Variants in ITGB8 observed in about 807,000 individuals in gnomAD.
ITGB8 encodes the protein integrin subunit beta 8, also known as integrin beta-8.
In ITGB8, 30 loss-of-function variants were observed where a neutral mutation model predicts 89.5. The ratio of observed to expected loss-of-function variants is 0.34; its 90% CI spans 0.25 to 0.45. The LOEUF is 0.45. Among genes scored for constraint, ITGB8 ranks in the 20% least tolerant of loss-of-function variants. The pLI, the probability that ITGB8 is intolerant of heterozygous loss-of-function variation, is 1.00. For synonymous variants in ITGB8, 335 were observed against 320.4 expected (o/e 1.05, Z -0.49); for missense variants, 836 against 933.3 (o/e 0.90, Z 1.36).
At chr7:20,341,200 G>A (rs926246220) in intron 1 of ITGB8, among the ~76,000 whole-genome samples, 2 of 152,244 alleles carry the variant, frequency 1.3e-5, no homozygotes, top group Non-Finnish European at 2.9e-5. Flanking sequence ...TGTGCATTTG[G>A]TTTGGATTTT....
intron 3 of ITGB8, among the ~76,000 whole-genome samples, chr7:20,372,690 T>C (rs1459581918): frequency 2.0e-5 from 3 of 152,162 alleles, no homozygotes; most frequent in African/African-American, 7.2e-5. Context: ...TAATTTTATG[T>C]CAGTCATTGT....
chr7:20,364,841 C>T (rs2127944915), intron 2 of ITGB8: 1 of 152,370 alleles, frequency 6.6e-6, no homozygotes, highest in African/African-American at 2.4e-5. Flanking sequence ...AGGTTTTTCT[C>T]TGTCAAGAAT....
At chr7:20,375,073 G>T (rs145745633) in intron 3 of ITGB8, among the ~76,000 whole-genome samples, 28 of 152,278 alleles carry the variant, frequency 1.8e-4, no homozygotes, top group Admixed American at 1.1e-3. Flanking sequence ...AATAGGTAAG[G>T]AAAGTGAGTG....
chr7:20,410,949 C>T lies in ITGB8; in HGVS notation c.*952C>T, dbSNP rs1453381553. 1 of 152,474 alleles carries T rather than the reference C, an allele frequency of 6.6e-6. No homozygotes were observed. The highest frequency in any genetic ancestry group is 1.5e-5 in the Non-Finnish European group (1 of 68,030). 9.4% of individuals were successfully genotyped at this position (152,474 alleles called of 1,614,324 possible). ...CACAAGATAGTTAGAAATTCTGCCT[C>T]AAGCAAAGTACCACATTTTGAATGT... On this transcript the variant is annotated 3_prime_UTR_variant, in exon 14 of 14. Coordinates refer to ENST00000222573, the MANE Select transcript of ITGB8 (RefSeq NM_002214.3).
chr7:20,357,159 G>A (rs1035692078), intron 1 of ITGB8, among the ~76,000 whole-genome samples: 4 of 152,112 alleles, frequency 2.6e-5, no homozygotes, highest in Non-Finnish European at 5.9e-5. Flanking sequence ...TGTTCATGTT[G>A]CAAAATCTGA....
intron 6 of ITGB8, among the ~76,000 whole-genome samples, chr7:20,390,581 A>G (rs993123592): frequency 9.9e-5 from 15 of 152,154 alleles, no homozygotes; most frequent in Admixed American, 9.2e-4. Flanking sequence ...TAAAGCAGGT[A>G]TAAAATATAT....
chr7:20,384,825 T>G (rs1405997948), intron 6 of ITGB8, among the ~76,000 whole-genome samples: 1 of 152,222 alleles, frequency 6.6e-6, no homozygotes, highest in Non-Finnish European at 1.5e-5. Flanking sequence ...ATAAAATAAT[T>G]TATATTTACA....
At position 20,367,108 on chromosome 7, in the gene ITGB8, G is replaced by A. The variant is rs1785730575; in HGVS notation, c.310G>A (p.Val104Met). ...AGTTGATTCAATAGAATACCCATCT[G>A]TGCATGTTATAATACCCACTGAAAA... is the stretch of plus-strand genomic sequence containing the variant. ...CSVDSIEYPSVHVIIPTENEI... is the reference protein window; with the variant it reads ...CSVDSIEYPSMHVIIPTENEI... The change falls in exon 3 of 14, where the codon GTG becomes ATG. Residue 104 changes from valine to methionine, a missense_variant. Physicochemically the swap from Val to Met is conservative, Grantham distance 21. Around this residue, in one of 5 missense-constraint regions of ITGB8, gnomAD observed 182 missense variants for 177.0 expected, o/e 1.03. Coordinates refer to ENST00000222573, the MANE Select transcript of ITGB8 (RefSeq NM_002214.3). 3 of 1,610,962 alleles carry A rather than the reference G, an allele frequency of 1.9e-6. No individual in the cohort carries two copies. Among genetic ancestry groups the A allele is most frequent in the Non-Finnish European group, 1.7e-6 (2 of 1,177,228 alleles).
intron 1 of ITGB8, among the ~76,000 whole-genome samples, chr7:20,337,925 G>A (rs556662639): frequency 6.6e-6 from 1 of 152,312 alleles, no homozygotes; most frequent in East Asian, 1.9e-4. Context: ...AGTCACCCCT[G>A]TGCCAAATCC....
intron 1 of ITGB8, among the ~76,000 whole-genome samples, chr7:20,334,743 G>A (rs1784521321): frequency 6.6e-6 from 1 of 152,142 alleles, no homozygotes; most frequent in South Asian, 2.1e-4. Flanking sequence ...CTATCTTGAA[G>A]CAATGGAGAC....
At position 20,341,382 on chromosome 7, in the gene ITGB8, A is replaced by G. The variant is rs113538042; in HGVS notation, c.127+9449A>G. On this transcript the variant is annotated intron_variant, in intron 1 of 13. Transcript: ENST00000222573. ...CAGACATCCTCAGTTTTGGTTAAAA[A>G]GGTCCCTTTTGATGAGTGTGTCAGT... Among the ~76,000 whole-genome samples, 1,172 of 152,306 alleles carry G rather than the reference A, an allele frequency of 7.7e-3. 16 individuals are homozygous for G. The highest frequency in any genetic ancestry group is 0.027 in the African/African-American group (1,116 of 41,548).
Position 20,381,526 on chromosome 7 carries a change from C to T in ITGB8, c.802-201C>T, listed in dbSNP as rs1406425888. 34 of 468,848 alleles carry T rather than the reference C, an allele frequency of 7.3e-5. No individual in the cohort carries two copies. In the South Asian group the frequency reaches 7.7e-4, roughly 11 times the overall value. 29.0% of individuals were successfully genotyped at this position (468,848 alleles called of 1,614,324 possible). Reference sequence around the variant, plus strand: ...AACACTAGAAATCTCTAGCCAGGAACTAGTGTGGTCACATGGCTGTGGGAA... The same window carrying T: ...AACACTAGAAATCTCTAGCCAGGAATTAGTGTGGTCACATGGCTGTGGGAA... On this transcript the variant is annotated intron_variant, in intron 5 of 13. Coordinates refer to ENST00000222573, the MANE Select transcript of ITGB8 (RefSeq NM_002214.3).
At chr7:20,394,183 C>A (rs1253195378) in intron 7 of ITGB8, among the ~76,000 whole-genome samples, 1 of 152,220 alleles carries the variant, frequency 6.6e-6, no homozygotes, top group Non-Finnish European at 1.5e-5. Flanking sequence ...GGATAAAATG[C>A]AAGAATAAAT....
chr7:20,381,714 G>C lies in ITGB8; in HGVS notation c.802-13G>C. The stretch of plus-strand genomic sequence containing the variant: ...GTTATTGTACAAAGTCTAATTACAT[G>C]TTTATTTTTAAGAGTCATATCGGAT... On this transcript the variant is annotated splice_polypyrimidine_tract_variant and intron_variant, in intron 5 of 13. Transcript: ENST00000222573. 1 of 1,593,828 alleles carries C rather than the reference G, an allele frequency of 6.3e-7. No homozygotes were observed. Among genetic ancestry groups the C allele is most frequent in the Non-Finnish European group, 8.5e-7 (1 of 1,170,034 alleles).
chr7:20,395,504 T>G (rs1787035955), intron 8 of ITGB8, among the ~76,000 whole-genome samples: 1 of 152,224 alleles, frequency 6.6e-6, no homozygotes, highest in East Asian at 1.9e-4. Context: ...ATCACCTTAG[T>G]AGATACTCTG....
rs1172081122 is a variant in ITGB8 at position 20,413,692 on chromosome 7, C to G, written c.*3695C>G. ...GCTCATTTGAGTCTTTGCCCCTGAACAAAGACAGACCCATTAAAATCTAAG... is the reference window on the plus strand; with the variant it reads ...GCTCATTTGAGTCTTTGCCCCTGAAGAAAGACAGACCCATTAAAATCTAAG... On this transcript the variant is annotated 3_prime_UTR_variant, in exon 14 of 14. Transcript: ENST00000222573. The G allele has an allele frequency of 1.3e-5, 2 of 151,974 alleles. No individual in the cohort carries two copies. 9.4% of individuals were successfully genotyped at this position (151,974 alleles called of 1,614,324 possible). A position where few individuals can be genotyped will look rare whatever the true frequency, so the allele number is the denominator to read the frequency against.
chr7:20,352,284 T>C (rs1464481663), intron 1 of ITGB8: 2 of 152,244 alleles, frequency 1.3e-5, no homozygotes, highest in African/African-American at 4.8e-5. Flanking sequence ...TCTTTCTTCC[T>C]GTTTCTGCCG....
chr7:20,389,097 G>A (rs1053393214), intron 6 of ITGB8, among the ~76,000 whole-genome samples: 1 of 152,028 alleles, frequency 6.6e-6, no homozygotes, highest in African/African-American at 2.4e-5. Context: ...TGAAATGCAT[G>A]TGTCTTTATA....
chr7:20,389,163 AATG>A (rs1423937074), intron 6 of ITGB8, among the ~76,000 whole-genome samples: 5 of 152,186 alleles, frequency 3.3e-5, no homozygotes, highest in African/African-American at 1.2e-4. Flanking sequence ...TGCTGGGTCC[AATG>A]ATATTTCTGG....
Sources: allele counts gnomAD v4.1 joint callset (sites outside exome capture counted in the v4.1 genomes callset), GRCh38; gene constraint gnomAD v4.1.1; regional missense constraint gnomAD v4.1.1; transcripts MANE v1.5; gene names NCBI Gene and HGNC (gene_info 2026-07-23, HGNC 2026-07-21).